The following LCP1 variants were observed in gnomAD, a reference collection of about 807,000 sequenced individuals.
The protein encoded by LCP1 is lymphocyte cytosolic protein 1, also known as plastin-2.
In LCP1, 23 loss-of-function variants were observed where a neutral mutation model predicts 72.0. That is an observed-to-expected ratio of 0.32 (90% CI 0.23 to 0.45). LCP1 has a LOEUF of 0.45. Among genes scored for constraint, LCP1 ranks in the 20% least tolerant of loss-of-function variants. LCP1 has a pLI of 1.00. For missense variants in LCP1, 571 were observed against 748.3 expected (o/e 0.76, Z 2.76); for synonymous variants, 245 against 275.4 (o/e 0.89, Z 1.09).
intron 13 of LCP1, among the ~76,000 whole-genome samples, 166 bp downstream of exon 13, chr13:46,142,126 T>C (rs1046908160): frequency 1.3e-5 from 2 of 150,570 alleles, no homozygotes; most frequent in Admixed American, 1.3e-4. Flanking sequence ...CAAAAACTGA[T>C]AGGACTGAAA....
intron 1 of LCP1, among the ~76,000 whole-genome samples, chr13:46,168,117 G>A (rs1172929639): frequency 6.6e-6 from 1 of 152,188 alleles, no homozygotes; most frequent in Non-Finnish European, 1.5e-5. Flanking sequence ...ATAACTGGCA[G>A]GAAATAGAAG....
intron 1 of LCP1, among the ~76,000 whole-genome samples, chr13:46,175,299 G>A (rs1009368845): frequency 1.3e-5 from 2 of 152,092 alleles, no homozygotes; most frequent in Non-Finnish European, 2.9e-5. Flanking sequence ...AAATGGAAGG[G>A]GAAAATAACC....
rs1406397052 is a variant in LCP1, at chr13:46,134,112, G to A, written c.1626+15C>T. 6.2e-7 allele frequency: 1 copy of A among 1,612,846 alleles called. No homozygotes were observed. The highest frequency in any genetic ancestry group is 8.5e-7 in the Non-Finnish European group (1 of 1,179,380). On this transcript the variant is annotated intron_variant, in intron 14 of 15. Transcript: ENST00000323076. ...AGAGCTCAGATGGCCTCTAGCAGAA[G>A]ACAAAGAATTTTACCTTGAAACTAG...
intron 1 of LCP1, among the ~76,000 whole-genome samples, chr13:46,167,318 T>C (rs2045882047): frequency 6.6e-6 from 1 of 152,214 alleles, no homozygotes; most frequent in Admixed American, 6.5e-5. Flanking sequence ...TCTGAAGCTG[T>C]GTAGCACATC....
At chr13:46,142,063 C>A (rs2045701736) in intron 13 of LCP1, among the ~76,000 whole-genome samples, 2 of 150,378 alleles carry the variant, frequency 1.3e-5, no homozygotes, top group African/African-American at 2.5e-5. Flanking sequence ...TAGAATGAAA[C>A]AACAATCTAA....
chr13:46,128,225 T>G (rs542227220), intron 15 of LCP1, among the ~76,000 whole-genome samples: 1 of 152,064 alleles, frequency 6.6e-6, no homozygotes. Context: ...TGAATAAACA[T>G]GTGTGCTAGG....
At chr13:46,165,905 C>G in intron 1 of LCP1, among the ~76,000 whole-genome samples, 1 of 143,562 alleles carries the variant, frequency 7.0e-6, no homozygotes, top group South Asian at 2.2e-4. Flanking sequence ...AGACGTTGGC[C>G]AAAAAAAAAG....
chr13:46,176,225 T>C (rs2045929635), intron 1 of LCP1, among the ~76,000 whole-genome samples: 1 of 152,130 alleles, frequency 6.6e-6, no homozygotes, highest in Non-Finnish European at 1.5e-5. Flanking sequence ...GCACAAGAAA[T>C]AAAAAATGTT....
intron 1 of LCP1, among the ~76,000 whole-genome samples, chr13:46,175,659 A>G (rs1015874949): frequency 6.6e-6 from 1 of 152,204 alleles, no homozygotes; most frequent in Non-Finnish European, 1.5e-5. Flanking sequence ...CAGAAAAGAA[A>G]CAGAATCCAT....
intron 1 of LCP1, among the ~76,000 whole-genome samples, chr13:46,162,407 C>T (rs1354954395): frequency 6.6e-6 from 1 of 151,882 alleles, no homozygotes; most frequent in African/African-American, 2.4e-5. Context: ...CTGCCTGATT[C>T]TCCTGCCTCA....
At chr13:46,139,133 C>T (rs1423990774) in intron 13 of LCP1, among the ~76,000 whole-genome samples, 1 of 152,150 alleles carries the variant, frequency 6.6e-6, no homozygotes, top group African/African-American at 2.4e-5. Flanking sequence ...GAAATATCAT[C>T]TGGAAATACA....
chr13:46,133,931 A>G (rs779926183), intron 14 of LCP1, among the ~76,000 whole-genome samples, 196 bp downstream of exon 14: 34 of 152,174 alleles, frequency 2.2e-4, no homozygotes, highest in Non-Finnish European at 4.6e-4. Flanking sequence ...TGATTAACTT[A>G]TGGGAGAAAG....
rs141459777 is a variant in LCP1 at position 46,126,135 on chromosome 13, T to A, written c.*1456A>T. 35 of 217,512 alleles carry A rather than the reference T, an allele frequency of 1.6e-4. No homozygotes were observed. The highest frequency in any genetic ancestry group is 7.6e-4 in the African/African-American group (34 of 44,554). The allele number at this position is 217,512 out of a possible 1,614,324, so 13.5% of individuals were successfully genotyped here. On this transcript the variant is annotated 3_prime_UTR_variant, in exon 16 of 16. Coordinates refer to ENST00000323076, the MANE Select transcript of LCP1 (RefSeq NM_002298.5). ...AGGAGCCACATGTTGGCTTTCTGAG[T>A]CCACTGCCAAGGAACAGATCCAGAG...
chr13:46,134,328 A>AT (rs1226356742), intron 13 of LCP1, 78 bp from the exon 14 acceptor site: 823 of 1,443,018 alleles, frequency 5.7e-4, no homozygotes, highest in South Asian at 6.2e-4. Flanking sequence ...TAAGGATGGA[A>AT]TTTTTTTTTC....
rs551355666 is a variant in LCP1 at position 46,160,072 on chromosome 13, C to T, written c.-24-386G>A. On this transcript the variant is annotated intron_variant, in intron 1 of 15. Transcript: ENST00000323076. ...AATGCTCATTCTTAGGATGCTCCCT[C>T]TTGGTACCCAATTTCCATGACATGA... Among the ~76,000 whole-genome samples, 19 of 152,306 alleles carry T rather than the reference C, an allele frequency of 1.2e-4. No homozygotes were observed. The South Asian group carries it at 3.9e-3, about 32-fold the overall frequency.
intron 15 of LCP1, among the ~76,000 whole-genome samples, chr13:46,130,504 T>C (rs1486964532): frequency 2.0e-5 from 3 of 152,148 alleles, no homozygotes; most frequent in Non-Finnish European, 4.4e-5. Flanking sequence ...TGAATATTCA[T>C]GAATGGAGCA....
chr13:46,144,886 A>T (rs75045284), intron 10 of LCP1, among the ~76,000 whole-genome samples: 2,035 of 152,334 alleles, frequency 0.013, 47 homozygotes, highest in African/African-American at 0.046. Context: ...TTGAATTGAG[A>T]CAGGGAAAAG....
chr13:46,157,816 G>A (rs1013896506), intron 4 of LCP1, among the ~76,000 whole-genome samples: 4 of 141,024 alleles, frequency 2.8e-5, no homozygotes, highest in Admixed American at 7.9e-5. Flanking sequence ...GTGCAATCTC[G>A]GCTCACTGCA....
chr13:46,154,934 G>C, intron 5 of LCP1, 48 bp from the exon 6 acceptor site: 1 of 1,412,046 alleles, frequency 7.1e-7, no homozygotes. Flanking sequence ...CTGAATAACA[G>C]AGCCCAGTAA....
Sources: allele counts gnomAD v4.1 joint callset (sites outside exome capture counted in the v4.1 genomes callset), GRCh38; gene constraint gnomAD v4.1.1; transcripts MANE v1.5; gene names NCBI Gene and HGNC (gene_info 2026-07-23, HGNC 2026-07-21).